IMMP2L: variants seen among roughly 807,000 people sequenced by gnomAD.
IMMP2L encodes mitochondrial inner membrane protease subunit 2.
In IMMP2L, 18 loss-of-function variants were observed where a neutral mutation model predicts 19.3. The ratio of observed to expected loss-of-function variants is 0.93; its 90% CI spans 0.64 to 1.38. The LOEUF (loss-of-function observed/expected upper bound fraction) is 1.38, where lower values mean the gene tolerates loss of function less well. IMMP2L is among the 40% of genes most tolerant of loss of function. The pLI is 0.00. For missense variants in IMMP2L, 233 were observed against 218.2 expected (o/e 1.07, Z -0.43); for synonymous variants, 76 against 73.0 (o/e 1.04, Z -0.21).
intron 3 of IMMP2L, among the ~76,000 whole-genome samples, chr7:111,314,848 C>T (rs1455542556): frequency 6.6e-6 from 1 of 152,012 alleles, no homozygotes; most frequent in East Asian, 1.9e-4. Context: ...AATATAATTG[C>T]AAGGGTAGTA....
intron 3 of IMMP2L, among the ~76,000 whole-genome samples, chr7:111,052,916 C>A (rs1793131181): frequency 6.6e-6 from 1 of 152,154 alleles, no homozygotes; most frequent in Non-Finnish European, 1.5e-5. Context: ...GTTCTTTCCT[C>A]CCCTAAAAGG....
intron 5 of IMMP2L, among the ~76,000 whole-genome samples, chr7:110,729,119 G>C (rs139546985): frequency 6.6e-6 from 1 of 152,028 alleles, no homozygotes; most frequent in African/African-American, 2.4e-5. Flanking sequence ...TCCTGACCTC[G>C]TGATCTGCCC....
chr7:111,043,880 AAGAG>A (rs1792128866), intron 3 of IMMP2L, among the ~76,000 whole-genome samples: 2 of 152,232 alleles, frequency 1.3e-5, no homozygotes, highest in South Asian at 4.1e-4. Flanking sequence ...CTTCAAATAC[AAGAG>A]AATGACTAAT....
intron 3 of IMMP2L, among the ~76,000 whole-genome samples, chr7:110,966,672 T>C (rs2129555987): frequency 6.6e-6 from 1 of 152,172 alleles, no homozygotes; most frequent in African/African-American, 2.4e-5. Flanking sequence ...TTTAATGTAA[T>C]ATTAAACTCA....
chr7:110,719,612 A>G (rs1795446076), intron 5 of IMMP2L, among the ~76,000 whole-genome samples: 1 of 152,258 alleles, frequency 6.6e-6, no homozygotes, highest in Non-Finnish European at 1.5e-5. Context: ...TGTTTATAAA[A>G]TAACAGCTTT....
intron 5 of IMMP2L, among the ~76,000 whole-genome samples, chr7:110,809,334 T>C (rs1468789672): frequency 6.6e-6 from 1 of 151,982 alleles, no homozygotes; most frequent in African/African-American, 2.4e-5. Flanking sequence ...AGTAACAAAA[T>C]ACCTGTCATG....
intron 3 of IMMP2L, among the ~76,000 whole-genome samples, chr7:111,022,638 G>A: frequency 6.6e-6 from 1 of 152,082 alleles, no homozygotes; most frequent in East Asian, 1.9e-4. Context: ...ACAAAAATGA[G>A]AAACACTGAT....
intron 4 of IMMP2L, among the ~76,000 whole-genome samples, chr7:110,916,811 C>T (rs1229919370): frequency 6.6e-6 from 1 of 152,158 alleles, no homozygotes; most frequent in Non-Finnish European, 1.5e-5. Context: ...ATCAATGCTT[C>T]TATATTTGAA....
chr7:110,906,402 C>T (rs1477188511), intron 4 of IMMP2L, among the ~76,000 whole-genome samples: 1 of 152,194 alleles, frequency 6.6e-6, no homozygotes, highest in Non-Finnish European at 1.5e-5. Flanking sequence ...TTGAATTAGT[C>T]AAGCTGGTCT....
chr7:110,749,831 G>T (rs1165668126), intron 5 of IMMP2L, among the ~76,000 whole-genome samples: 1 of 152,002 alleles, frequency 6.6e-6, no homozygotes, highest in Non-Finnish European at 1.5e-5. Flanking sequence ...AACCACCCTG[G>T]CACATGTATA....
At chr7:111,342,093 T>A (rs1477736727) in intron 3 of IMMP2L, among the ~76,000 whole-genome samples, 1 of 152,142 alleles carries the variant, frequency 6.6e-6, no homozygotes, top group Non-Finnish European at 1.5e-5. Flanking sequence ...GAAAGAACTT[T>A]AAGTAACCAA....
At chr7:110,839,837 TA>T (rs1260166860) in intron 5 of IMMP2L, among the ~76,000 whole-genome samples, 2 of 152,128 alleles carry the variant, frequency 1.3e-5, no homozygotes, top group Non-Finnish European at 2.9e-5. Context: ...TTAGAACATT[TA>T]AAGACTATCA....
At chr7:111,493,664 C>T (rs1843311803) in intron 2 of IMMP2L, among the ~76,000 whole-genome samples, 1 of 149,556 alleles carries the variant, frequency 6.7e-6, no homozygotes, top group Non-Finnish European at 1.5e-5. Context: ...GAGATCGCGC[C>T]ACTGCACTCC....
At chr7:111,541,168 GCCCCTC>G (rs1403367786) in intron 1 of IMMP2L, among the ~76,000 whole-genome samples, 1 of 152,000 alleles carries the variant, frequency 6.6e-6, no homozygotes, top group Non-Finnish European at 1.5e-5. Flanking sequence ...TATCAGAATG[GCCCCTC>G]CCTCACAGTA....
intron 3 of IMMP2L, among the ~76,000 whole-genome samples, chr7:111,446,135 C>A (rs1333194716): frequency 6.7e-6 from 1 of 150,176 alleles, no homozygotes; most frequent in East Asian, 1.9e-4. Flanking sequence ...GGGGGAGGGG[C>A]GCCCGCCATT....
intron 2 of IMMP2L, among the ~76,000 whole-genome samples, chr7:111,521,104 GAT>G (rs1273769458): frequency 2.0e-5 from 3 of 152,068 alleles, no homozygotes; most frequent in Non-Finnish European, 1.5e-5. Context: ...CCAGAGAACT[GAT>G]AGTTACTTTT....
intron 3 of IMMP2L, among the ~76,000 whole-genome samples, chr7:111,009,804 G>A (rs1441941711): frequency 6.6e-6 from 1 of 152,120 alleles, no homozygotes; most frequent in Non-Finnish European, 1.5e-5. Context: ...GGTTCTCTGA[G>A]TAGAAGCTGA....
chr7:111,526,206 T>C (rs576059598), intron 1 of IMMP2L, among the ~76,000 whole-genome samples: 1 of 152,350 alleles, frequency 6.6e-6, no homozygotes, highest in East Asian at 1.9e-4. Context: ...GATATAAAGA[T>C]GGCTAAGCAT....
intron 2 of IMMP2L, among the ~76,000 whole-genome samples, chr7:111,494,482 T>C (rs1843412679): frequency 6.6e-6 from 1 of 152,192 alleles, no homozygotes; most frequent in Non-Finnish European, 1.5e-5. Flanking sequence ...ATTCTCACAC[T>C]CATCTATTTC....
Sources: gnomAD v4.1 joint callset for allele counts (sites outside exome capture counted in the v4.1 genomes callset) on GRCh38, gnomAD v4.1.1 for gene constraint, MANE v1.5 for transcripts, NCBI Gene and HGNC (gene_info 2026-07-23, HGNC 2026-07-21) for gene names.